PTPRG: variants seen among roughly 807,000 people sequenced by gnomAD.
PTPRG encodes protein tyrosine phosphatase receptor type G, also known as receptor-type tyrosine-protein phosphatase gamma.
A neutral mutation model predicts 165.3 loss-of-function variants in PTPRG; 102 were observed. That is an observed-to-expected ratio of 0.62 (90% CI 0.53 to 0.73). The LOEUF (loss-of-function observed/expected upper bound fraction) is 0.73. Ranked by LOEUF, PTPRG falls within the 30% of genes least tolerant of loss-of-function variation. PTPRG has a pLI of 0.00. For missense variants in PTPRG, 1,866 were observed against 1,861.4 expected, an observed-to-expected ratio of 1.00 and a Z score of -0.05; for synonymous variants, 675 against 669.5, an observed-to-expected ratio of 1.01 and a Z score of -0.13.
intron 4 of PTPRG, among the ~76,000 whole-genome samples, chr3:62,047,352 C>T (rs1294033631): frequency 1.3e-5 from 2 of 151,998 alleles, no homozygotes; most frequent in African/African-American, 2.4e-5. Context: ...CTCCGCCTCC[C>T]GGGTTCAAGC....
Position 62,273,049 on chromosome 3 carries a change from A to G in PTPRG, c.3286A>G (p.Arg1096Gly). 6.2e-7 allele frequency: 1 copy of G among 1,613,716 alleles called. No homozygotes were observed. Residue 1096 changes from arginine to glycine, a missense_variant, in exon 22 of 30, where the codon AGG (arginine) becomes GGG (glycine). Transcript: ENST00000474889. The surrounding 1 kb of genome is among the most constrained non-coding windows in gnomAD (Gnocchi z 4.1). ...VNVLGFLKHI[R>G]TQRNYLVQTE... is the part of the protein sequence containing the mutation. Reference sequence around the variant, plus strand: ...CGTCCTGGGATTCCTGAAGCATATCAGGACACAGCGTAACTACCTCGTCCA... The same window carrying G: ...CGTCCTGGGATTCCTGAAGCATATCGGGACACAGCGTAACTACCTCGTCCA...
At chr3:61,619,664 G>A (rs1701395651) in intron 1 of PTPRG, among the ~76,000 whole-genome samples, 2 of 152,158 alleles carry the variant, frequency 1.3e-5, no homozygotes, top group Non-Finnish European at 2.9e-5. Flanking sequence ...TCCCATTATA[G>A]TACTGGTGGG....
intron 4 of PTPRG, among the ~76,000 whole-genome samples, chr3:62,027,115 A>G (rs925159516): frequency 6.6e-6 from 1 of 151,980 alleles, no homozygotes; most frequent in Admixed American, 6.6e-5. Flanking sequence ...TTTTTTAAGC[A>G]TAGATCCCCC....
chr3:62,282,710 T>C lies in PTPRG; in HGVS notation c.3913-17T>C, dbSNP rs1355306734. ...GAAATAAAGGAAGGGATTTGACCCA[T>C]GTTGTATTGGTTACAGGATGACTAT... is the stretch of plus-strand genomic sequence containing the variant. On this transcript the variant is annotated splice_polypyrimidine_tract_variant and intron_variant, in intron 27 of 29. Transcript: ENST00000474889. The C allele has an allele frequency of 1.2e-6, 2 of 1,601,128 alleles. No individual in the cohort carries two copies. Among genetic ancestry groups the C allele is most frequent in the South Asian group, 1.1e-5 (1 of 87,850 alleles).
intron 2 of PTPRG, among the ~76,000 whole-genome samples, chr3:61,985,422 G>A (rs2040735772): frequency 6.6e-6 from 1 of 152,156 alleles, no homozygotes; most frequent in Non-Finnish European, 1.5e-5. Context: ...ACATTTACAA[G>A]CCAGTAACAG....
intron 2 of PTPRG, among the ~76,000 whole-genome samples, chr3:61,973,399 G>A (rs1271132141): frequency 6.6e-6 from 1 of 152,176 alleles, no homozygotes; most frequent in East Asian, 1.9e-4. Context: ...GCATCATTCA[G>A]GGTTTAGTTC....
intron 5 of PTPRG, among the ~76,000 whole-genome samples, chr3:62,112,862 G>C (rs1175713196): frequency 6.6e-6 from 1 of 152,226 alleles, no homozygotes; most frequent in Non-Finnish European, 1.5e-5. Flanking sequence ...GACTTCTCCA[G>C]TTTGGTGTCA....
chr3:62,212,054 T>C (rs1385620962), intron 12 of PTPRG, among the ~76,000 whole-genome samples: 5 of 151,946 alleles, frequency 3.3e-5, no homozygotes, highest in Admixed American at 2.0e-4. Flanking sequence ...AGAAAGGCTG[T>C]ACGGAGAGAA....
chr3:62,112,407 CACT>C (rs1702705362), intron 5 of PTPRG, among the ~76,000 whole-genome samples: 3 of 152,206 alleles, frequency 2.0e-5, no homozygotes, highest in African/African-American at 7.2e-5. Flanking sequence ...CCCTGCCAGT[CACT>C]ACTACTTTCT....
At chr3:61,782,787 GT>G (rs1354110924) in intron 2 of PTPRG, among the ~76,000 whole-genome samples, 1 of 152,014 alleles carries the variant, frequency 6.6e-6, no homozygotes, top group African/African-American at 2.4e-5. Flanking sequence ...GATGAGTATC[GT>G]GTTTTGTTTT....
At chr3:61,934,804 A>C (rs1312641100) in intron 2 of PTPRG, among the ~76,000 whole-genome samples, 1 of 152,030 alleles carries the variant, frequency 6.6e-6, no homozygotes, top group East Asian at 1.9e-4. Context: ...TGGGGGTTCT[A>C]TTGCTTATTT....
intron 1 of PTPRG, among the ~76,000 whole-genome samples, chr3:61,653,903 G>GGGGGT (rs56696186): frequency 0.027 from 3,715 of 137,748 alleles, 203 homozygotes; most frequent in Middle Eastern, 0.043. Context: ...GAGCGGTGGG[G>GGGGGT]GGCGCGGGGA....
intron 2 of PTPRG, among the ~76,000 whole-genome samples, chr3:61,969,087 G>A (rs2040332698): frequency 6.6e-6 from 1 of 152,120 alleles, no homozygotes; most frequent in South Asian, 2.1e-4. Flanking sequence ...TCCTTATTAT[G>A]GGAATGTAGT....
intron 1 of PTPRG, among the ~76,000 whole-genome samples, chr3:61,732,572 G>C (rs2032548708): frequency 6.6e-6 from 1 of 150,818 alleles, no homozygotes; most frequent in Non-Finnish European, 1.5e-5. Context: ...AGCCGCGCAT[G>C]ATGGCGAGCA....
chr3:61,739,622 T>C (rs1426444694), intron 1 of PTPRG, among the ~76,000 whole-genome samples: 1 of 152,244 alleles, frequency 6.6e-6, no homozygotes, highest in African/African-American at 2.4e-5. Context: ...CTTTTCTGAA[T>C]AATTGTACCT....
intron 5 of PTPRG, among the ~76,000 whole-genome samples, chr3:62,094,172 G>A (rs554363829): frequency 2.6e-5 from 4 of 152,028 alleles, no homozygotes; most frequent in Non-Finnish European, 5.9e-5. Flanking sequence ...TTGAAGCCAT[G>A]TCTTTCTTAC....
intron 4 of PTPRG, among the ~76,000 whole-genome samples, chr3:62,028,869 G>T (rs527361983): frequency 5.9e-5 from 9 of 152,272 alleles, no homozygotes; most frequent in Admixed American, 2.6e-4. Context: ...GTGTCATATA[G>T]TCTGGTTCCT....
chr3:62,124,153 G>A, intron 5 of PTPRG: 1 of 664,370 alleles, frequency 1.5e-6, no homozygotes, highest in South Asian at 1.8e-5. Context: ...AAGGTTCTGT[G>A]AATTTGTTGT....
chr3:61,958,595 T>TA, intron 2 of PTPRG, among the ~76,000 whole-genome samples: 1 of 152,344 alleles, frequency 6.6e-6, no homozygotes, highest in Admixed American at 6.5e-5. Context: ...CCTCCATAGT[T>TA]ACAGGTTTTT....
Sources: gnomAD v4.1 joint callset for allele counts (sites outside exome capture counted in the v4.1 genomes callset) on GRCh38, gnomAD v4.1.1 for gene constraint, Gnocchi (gnomAD v3.1) non-coding constraint, MANE v1.5 for transcripts, NCBI Gene and HGNC (gene_info 2026-07-23, HGNC 2026-07-21) for gene names.